EVA1A: variants seen among roughly 807,000 people sequenced by gnomAD.
The protein encoded by EVA1A is protein eva-1 homolog A.
In EVA1A, 7 loss-of-function variants were observed where a neutral mutation model predicts 9.8. The observed-to-expected ratio is 0.71, with a 90% CI of 0.41 to 1.34. The LOEUF (loss-of-function observed/expected upper bound fraction) is 1.34, where lower values mean the gene tolerates loss of function less well. Among genes scored for constraint, EVA1A ranks in the 40% most tolerant of loss-of-function variants. EVA1A has a pLI of 0.01. For synonymous variants in EVA1A, 90 were observed against 85.6 expected (o/e 1.05, Z -0.28); for missense variants, 206 against 205.9 (o/e 1.00, Z 0.00).
intron 1 of EVA1A, among the ~76,000 whole-genome samples, chr2:75,559,348 C>T (rs1199511971): frequency 1.3e-5 from 2 of 152,198 alleles, no homozygotes; most frequent in East Asian, 3.9e-4. Context: ...ACTTTAAGCC[C>T]TAGCATCCCT....
chr2:75,521,277 A>C (rs934536339), intron 2 of EVA1A, among the ~76,000 whole-genome samples: 6 of 152,218 alleles, frequency 3.9e-5, no homozygotes, highest in African/African-American at 1.2e-4. Context: ...TAGGATGACT[A>C]TTCCTTAAAA....
At chr2:75,565,340 A>G (rs1240156355), upstream of EVA1A, among the ~76,000 whole-genome samples, 1 of 152,222 alleles carries the variant, frequency 6.6e-6, no homozygotes, top group Non-Finnish European at 1.5e-5. Flanking sequence ...CCACTTCTAT[A>G]GGAAATGCAG....
intron 3 of EVA1A, among the ~76,000 whole-genome samples, chr2:75,504,846 T>C (rs1163115402): frequency 6.6e-6 from 1 of 152,052 alleles, no homozygotes; most frequent in Non-Finnish European, 1.5e-5. Context: ...ACCTAATGCA[T>C]GCGGGGCTTG....
intron 1 of EVA1A, among the ~76,000 whole-genome samples, chr2:75,545,208 G>GT (rs1676287425): frequency 6.6e-6 from 1 of 152,306 alleles, no homozygotes; most frequent in African/African-American, 2.4e-5. Context: ...AGGAAAAGAT[G>GT]TAAGAAACAG....
chr2:75,530,992 C>A (rs1176062040), intron 1 of EVA1A, among the ~76,000 whole-genome samples: 1 of 152,062 alleles, frequency 6.6e-6, no homozygotes, highest in East Asian at 1.9e-4. Flanking sequence ...TTATCATATA[C>A]CTGGAAAACC....
chr2:75,500,010 G>T (rs975437659), intron 3 of EVA1A, among the ~76,000 whole-genome samples: 1 of 152,096 alleles, frequency 6.6e-6, no homozygotes, highest in Non-Finnish European at 1.5e-5. Context: ...GTGGTGGAAG[G>T]CACAGTCTTA....
intron 2 of EVA1A, 56 bp from the exon 3 acceptor site, chr2:75,518,264 T>C: frequency 1.4e-6 from 2 of 1,467,088 alleles, no homozygotes. Flanking sequence ...TGAGGCCATG[T>C]TCCAGGTAGC....
Position 75,493,210 on chromosome 2 carries a change from A to T in EVA1A, c.*26T>A. 1 of 1,586,356 alleles carries T rather than the reference A, an allele frequency of 6.3e-7. No individual in the cohort carries two copies. Among genetic ancestry groups the T allele is most frequent in the Non-Finnish European group, 8.6e-7 (1 of 1,165,316 alleles). On this transcript the variant is annotated 3_prime_UTR_variant, in exon 4 of 4. Coordinates refer to ENST00000393913, the MANE Select transcript of EVA1A (RefSeq NM_001135032.2). ...ACGCTCTCCTTTCCAGGCGGCCTCC[A>T]GTGGTTTCCGGGGTCCTGCTGCTCC...
chr2:75,565,973 TTTTCTCTCTCTCTC>T (rs1431855671), intron 1 of EVA1A, among the ~76,000 whole-genome samples: 3 of 152,194 alleles, frequency 2.0e-5, no homozygotes, highest in Admixed American at 1.3e-4. Context: ...ACCTTTCTCT[TTTTCTCTCTCTCTC>T]TTTCTCTCTC....
At chr2:75,549,883 A>G (rs977850909) in intron 1 of EVA1A, among the ~76,000 whole-genome samples, 4 of 152,190 alleles carry the variant, frequency 2.6e-5, no homozygotes, top group Admixed American at 1.3e-4. Context: ...CATTTCAACC[A>G]AAGCAAATAT....
intron 3 of EVA1A, 135 bp from the exon 4 acceptor site, chr2:75,493,744 C>CA (rs775518825): frequency 8.2e-6 from 6 of 731,620 alleles, no homozygotes; most frequent in Non-Finnish European, 1.3e-5. Flanking sequence ...TCCAATGTGA[C>CA]ATATTTTATA....
At chr2:75,534,163 C>T (rs188265899) in intron 1 of EVA1A, among the ~76,000 whole-genome samples, 6 of 151,964 alleles carry the variant, frequency 3.9e-5, no homozygotes, top group Admixed American at 1.3e-4. Flanking sequence ...TGCTTAAGTC[C>T]AGGAATTCAA....
Position 75,544,738 on chromosome 2 carries a change from T to C in EVA1A, c.-192+15942A>G, listed in dbSNP as rs1572985393. Among the ~76,000 whole-genome samples the C allele has an allele frequency of 2.6e-5, 4 of 152,362 alleles. No individual in the cohort carries two copies. In the East Asian group the frequency reaches 7.7e-4, roughly 29 times the overall value. ...AGTGAAAGAATCTGTTCCTTTCCAT[T>C]AGACCTCTTATAATTAAACAATTGT... is the stretch of plus-strand genomic sequence containing the variant. On this transcript the variant is annotated intron_variant, in intron 1 of 3. Coordinates refer to ENST00000393913, the MANE Select transcript of EVA1A (RefSeq NM_001135032.2).
chr2:75,553,625 T>A (rs4853162), intron 1 of EVA1A, among the ~76,000 whole-genome samples: 27 of 152,188 alleles, frequency 1.8e-4, no homozygotes, highest in African/African-American at 5.8e-4. Context: ...GCTGTCTCTG[T>A]GAGCACATTA....
intron 2 of EVA1A, among the ~76,000 whole-genome samples, chr2:75,519,252 T>C (rs532814877): frequency 2.6e-5 from 4 of 152,308 alleles, no homozygotes; most frequent in Non-Finnish European, 4.4e-5. Flanking sequence ...GATGCTGCTA[T>C]GAACTCAAGG....
upstream of EVA1A, among the ~76,000 whole-genome samples, chr2:75,561,770 C>T (rs749636725): frequency 2.0e-5 from 3 of 152,086 alleles, no homozygotes; most frequent in Non-Finnish European, 2.9e-5. Context: ...AAGAGCACAG[C>T]CAGGGCAGTG....
chr2:75,561,248 A>G (rs1262356976), upstream of EVA1A: 2 of 152,238 alleles, frequency 1.3e-5, no homozygotes, highest in Non-Finnish European at 2.9e-5. Flanking sequence ...CCCAGATTTG[A>G]AAGCAGACCT....
rs528357404 is a variant in EVA1A at position 75,525,481 on chromosome 2, A to C, written c.-191-2994T>G. On this transcript the variant is annotated intron_variant, in intron 1 of 3. Transcript: ENST00000393913. ...GTTGGTAAGGTGGCCATAGTGAAAC[A>C]ATCAGCTTTGTGCTTCTAACGATTG... 1.9e-3 allele frequency among the ~76,000 whole-genome samples: 287 copies of C among 152,346 alleles called. 1 individual carries two copies. Among genetic ancestry groups the C allele is most frequent in the Non-Finnish European group, 3.5e-3 (238 of 68,032 alleles).
intron 3 of EVA1A, among the ~76,000 whole-genome samples, chr2:75,510,615 A>G (rs924715252): frequency 6.6e-6 from 1 of 152,226 alleles, no homozygotes; most frequent in Admixed American, 6.5e-5. Flanking sequence ...TACACATTCA[A>G]TGAATATTGG....
Sources: allele counts gnomAD v4.1 joint callset (sites outside exome capture counted in the v4.1 genomes callset), GRCh38; gene constraint gnomAD v4.1.1; transcripts MANE v1.5; gene names NCBI Gene and HGNC (gene_info 2026-07-23, HGNC 2026-07-21).